WWOX: variants seen among roughly 807,000 people sequenced by gnomAD.
WWOX encodes WW domain containing oxidoreductase.
WWOX carries 69 observed loss-of-function variants against 46.2 expected under a neutral mutation model. That is an observed-to-expected ratio of 1.49 (90% CI 1.23 to 1.82). The LOEUF (loss-of-function observed/expected upper bound fraction) is 1.82, where lower values mean the gene tolerates loss of function less well. Ranked by LOEUF, WWOX falls within the 40% of genes most tolerant of loss-of-function variation. The probability of loss-of-function intolerance (pLI) is 0.00; values close to 1 mark genes in which losing one functional copy is unlikely to be tolerated. For synonymous variants in WWOX, 359 were observed against 202.6 expected (o/e 1.77, Z -6.56); for missense variants, 919 against 542.6 (o/e 1.69, Z -6.89).
At chr16:78,717,352 A>G (rs909536991) in intron 8 of WWOX, among the ~76,000 whole-genome samples, 4 of 152,232 alleles carry the variant, frequency 2.6e-5, no homozygotes, top group Admixed American at 2.6e-4. Context: ...TGTAATTGAA[A>G]TAATGTAATA....
rs748496802 is a variant in WWOX at position 78,766,026 on chromosome 16, G to A, written c.1056+333274G>A. ...GAGAGACCCAAGTCTGCACAGAAAA[G>A]GTTTACAGAGCCCAGGCACACAGAT... On this transcript the variant is annotated intron_variant, in intron 8 of 8. Coordinates refer to ENST00000566780, the MANE Select transcript of WWOX (RefSeq NM_016373.4). Among the ~76,000 whole-genome samples the A allele has an allele frequency of 7.6e-4, 116 of 152,192 alleles. 1 individual carries two copies. Among genetic ancestry groups the A allele is most frequent in the Admixed American group, 2.6e-3 (40 of 15,276 alleles).
chr16:78,866,618 C>A (rs148861345), intron 8 of WWOX, among the ~76,000 whole-genome samples: 1 of 152,132 alleles, frequency 6.6e-6, no homozygotes, highest in African/African-American at 2.4e-5. Flanking sequence ...CTGGTGCATC[C>A]CCTGTGAGCC....
At chr16:78,999,488 T>A (rs1036664965) in intron 8 of WWOX, among the ~76,000 whole-genome samples, 9 of 152,128 alleles carry the variant, frequency 5.9e-5, no homozygotes, top group Non-Finnish European at 1.0e-4. Context: ...AAGGAATAGC[T>A]GCATCACTTA....
chr16:79,094,100 A>G (rs1197817122), intron 8 of WWOX, among the ~76,000 whole-genome samples: 1 of 151,410 alleles, frequency 6.6e-6, no homozygotes, highest in African/African-American at 2.4e-5. Context: ...CCACCTCCTC[A>G]CTCCTCTATC....
chr16:79,018,501 G>A (rs966500888), intron 8 of WWOX, among the ~76,000 whole-genome samples: 1 of 152,194 alleles, frequency 6.6e-6, no homozygotes, highest in African/African-American at 2.4e-5. Flanking sequence ...AGACCCAAGA[G>A]GAGAAGGGAT....
chr16:78,651,017 C>T (rs2046954219), intron 8 of WWOX, among the ~76,000 whole-genome samples: 1 of 152,192 alleles, frequency 6.6e-6, no homozygotes, highest in South Asian at 2.1e-4. Flanking sequence ...TTTGGCTTTT[C>T]TGCTGTTGGA....
intron 5 of WWOX, among the ~76,000 whole-genome samples, chr16:78,251,098 G>C (rs979817668): frequency 1.8e-4 from 28 of 152,308 alleles, no homozygotes; most frequent in Admixed American, 1.3e-4. Context: ...TGTTCACCCT[G>C]CAGGTGCAGA....
Position 78,575,070 on chromosome 16 carries a change from T to A in WWOX, c.1056+142318T>A, listed in dbSNP as rs1429549028. On this transcript the variant is annotated intron_variant, in intron 8 of 8. Coordinates refer to ENST00000566780, the MANE Select transcript of WWOX (RefSeq NM_016373.4). ...ATATATATATATATATATATATATA[T>A]ATATATATATATATATATATATATA... 8.7e-4 allele frequency among the ~76,000 whole-genome samples: 24 copies of A among 27,584 alleles called. 1 individual carries two copies. The highest frequency in any genetic ancestry group is 2.3e-3 in the East Asian group (1 of 428). 18.1% of individuals were successfully genotyped at this position (27,584 alleles called of 152,430 possible).
chr16:78,946,432 C>A (rs1012928443), intron 8 of WWOX, among the ~76,000 whole-genome samples: 1 of 152,150 alleles, frequency 6.6e-6, no homozygotes, highest in South Asian at 2.1e-4. Flanking sequence ...CTGAGTTGAT[C>A]TGCTCACGTC....
intron 8 of WWOX, among the ~76,000 whole-genome samples, chr16:78,679,577 A>T (rs1018003748): frequency 6.6e-6 from 1 of 152,120 alleles, no homozygotes. Flanking sequence ...AATAAAAAAT[A>T]AATATAATAC....
At chr16:78,321,095 A>G (rs943742085) in intron 5 of WWOX, among the ~76,000 whole-genome samples, 1 of 152,022 alleles carries the variant, frequency 6.6e-6, no homozygotes, top group Non-Finnish European at 1.5e-5. Flanking sequence ...CCTGAACACC[A>G]GAGTGTCTTT....
chr16:78,782,212 C>T (rs926690471), intron 8 of WWOX, among the ~76,000 whole-genome samples: 2 of 152,170 alleles, frequency 1.3e-5, no homozygotes, highest in Non-Finnish European at 2.9e-5. Flanking sequence ...CTATCCCTTC[C>T]GATTGACCCC....
intron 8 of WWOX, among the ~76,000 whole-genome samples, chr16:78,492,038 G>C (rs2084796558): frequency 1.1e-4 from 1 of 8,734 alleles, no homozygotes; most frequent in African/African-American, 1.5e-4. Flanking sequence ...GGGAGTGGGG[G>C]TGTGGGGGTG....
At chr16:78,718,077 C>A (rs112762103) in intron 8 of WWOX, among the ~76,000 whole-genome samples, 2,641 of 71,380 alleles carry the variant, frequency 0.037, 86 homozygotes, top group African/African-American at 0.15. Flanking sequence ...GGATTTCAAA[C>A]AAGGGGTTCT....
In WWOX at chr16:78,641,723, G is replaced by C. The variant is rs559836009; in HGVS notation, c.1056+208971G>C. On this transcript the variant is annotated intron_variant, in intron 8 of 8. Coordinates refer to ENST00000566780, the MANE Select transcript of WWOX (RefSeq NM_016373.4). ...CTAGGTTTATGTATGGATTAACACAGTGATAGACCCTGAGTAGCAAAAGAC... is the reference window on the plus strand; with the variant it reads ...CTAGGTTTATGTATGGATTAACACACTGATAGACCCTGAGTAGCAAAAGAC... Among the ~76,000 whole-genome samples the C allele has an allele frequency of 1.2e-3, 188 of 152,276 alleles. 1 individual carries two copies. The highest frequency in any genetic ancestry group is 4.4e-3 in the African/African-American group (181 of 41,560).
At chr16:78,333,851 T>G (rs1488501702) in intron 5 of WWOX, among the ~76,000 whole-genome samples, 2 of 152,258 alleles carry the variant, frequency 1.3e-5, no homozygotes, top group African/African-American at 4.8e-5. Flanking sequence ...AAGTTTCATT[T>G]AAGGTACTGT....
chr16:78,398,429 G>T (rs770538150), intron 6 of WWOX, among the ~76,000 whole-genome samples: 1 of 152,130 alleles, frequency 6.6e-6, no homozygotes, highest in Non-Finnish European at 1.5e-5. Context: ...TGACAATGAG[G>T]GTAGTTAGGA....
At chr16:78,798,989 A>G (rs959975659) in intron 8 of WWOX, among the ~76,000 whole-genome samples, 2 of 152,186 alleles carry the variant, frequency 1.3e-5, no homozygotes, top group African/African-American at 4.8e-5. Context: ...CAGGAGCCGT[A>G]AACAACAATG....
intron 8 of WWOX, among the ~76,000 whole-genome samples, chr16:79,067,685 C>T (rs770777683): frequency 1.3e-5 from 2 of 151,910 alleles, no homozygotes; most frequent in South Asian, 2.1e-4. Flanking sequence ...TTGTGCATTT[C>T]AGGTTGGTCT....
Sources: allele counts gnomAD v4.1 joint callset (sites outside exome capture counted in the v4.1 genomes callset), GRCh38; gene constraint gnomAD v4.1.1; transcripts MANE v1.5; gene names NCBI Gene and HGNC (gene_info 2026-07-23, HGNC 2026-07-21).